MCCC1: variants seen among roughly 807,000 people sequenced by gnomAD.
The protein encoded by MCCC1 is methylcrotonoyl-CoA carboxylase subunit alpha, mitochondrial.
In MCCC1, 64 loss-of-function variants were observed where a neutral mutation model predicts 83.8. The observed-to-expected ratio is 0.76, with a 90% CI of 0.62 to 0.94. MCCC1 has a LOEUF of 0.94. Ranked by LOEUF, MCCC1 falls within the 40% of genes least tolerant of loss-of-function variation. MCCC1 has a pLI of 0.00. For synonymous variants in MCCC1, 322 were observed against 315.4 expected (o/e 1.02, Z -0.22); for missense variants, 807 against 904.7 (o/e 0.89, Z 1.39).
chr3:183,088,199 T>C (rs1370634125), intron 3 of MCCC1, among the ~76,000 whole-genome samples: 2 of 150,282 alleles, frequency 1.3e-5, no homozygotes, highest in East Asian at 3.9e-4. Context: ...TTGTTGTTGT[T>C]GTTGTTGTGT....
At chr3:183,058,827 C>T (rs1369569841) in intron 7 of MCCC1, among the ~76,000 whole-genome samples, 3 of 151,950 alleles carry the variant, frequency 2.0e-5, no homozygotes, top group Non-Finnish European at 2.9e-5. Flanking sequence ...CTATTTACCA[C>T]CATAATACGC....
chr3:183,078,937 G>C (rs567293825), intron 4 of MCCC1, among the ~76,000 whole-genome samples: 1 of 152,276 alleles, frequency 6.6e-6, no homozygotes, highest in Admixed American at 6.5e-5. Context: ...AGCTTGTGCA[G>C]GGAAACACTC....
chr3:183,099,508 G>A (rs757717863), upstream of MCCC1: 10 of 1,536,196 alleles, frequency 6.5e-6, no homozygotes, highest in African/African-American at 1.4e-5. Flanking sequence ...CGCCAAACCC[G>A]TTCCTCCACT....
At chr3:183,045,694 A>G (rs563874819) in intron 9 of MCCC1, among the ~76,000 whole-genome samples, 154 bp from the exon 10 acceptor site, 6 of 152,242 alleles carry the variant, frequency 3.9e-5, no homozygotes, top group Non-Finnish European at 8.8e-5. Context: ...TTGCAGCAGC[A>G]TATGAATCTT....
intron 4 of MCCC1, among the ~76,000 whole-genome samples, chr3:183,079,711 G>A (rs1184933568): frequency 6.6e-6 from 1 of 152,198 alleles, no homozygotes; most frequent in African/African-American, 2.4e-5. Flanking sequence ...CTGTGTGGGG[G>A]CTCTGACCCC....
chr3:183,087,869 CAAAAAAAAAA>C (rs1223603175), intron 3 of MCCC1, among the ~76,000 whole-genome samples: 2 of 51,340 alleles, frequency 3.9e-5, no homozygotes, highest in Admixed American at 2.0e-4. Flanking sequence ...GACTCCTTCT[CAAAAAAAAAA>C]AAAAAAAAAA....
In MCCC1 at chr3:183,090,596, T is replaced by G. The variant is rs1243666426; in HGVS notation, c.273+1813A>C. Among the ~76,000 whole-genome samples, 3 of 152,092 alleles carry G rather than the reference T, an allele frequency of 2.0e-5. No individual in the cohort carries two copies. The East Asian group carries it at 5.8e-4, about 29-fold the overall frequency. Reference sequence around the variant, plus strand: ...TCTTATTTTGGGAAAATTCTTTTTTTTTTTTTCTTTGAGACAGAGTTTCGC... The same window carrying G: ...TCTTATTTTGGGAAAATTCTTTTTTGTTTTTTCTTTGAGACAGAGTTTCGC... On this transcript the variant is annotated intron_variant, in intron 3 of 18. Coordinates refer to ENST00000265594, the MANE Select transcript of MCCC1 (RefSeq NM_020166.5).
chr3:183,094,717 C>T, intron 1 of MCCC1, 112 bp from the exon 2 acceptor site: 1 of 1,041,712 alleles, frequency 9.6e-7, no homozygotes, highest in South Asian at 1.3e-5. Context: ...ACTAACAGTG[C>T]TTTAGTAAGA....
At position 183,034,454 on chromosome 3, in the gene MCCC1, C is replaced by CAAA. The variant is rs1281645615; in HGVS notation, c.1595-380_1595-378dup. Among the ~76,000 whole-genome samples the CAAA allele has an allele frequency of 2.0e-3, 99 of 50,652 alleles. 2 individuals are homozygous for CAAA. Among genetic ancestry groups the CAAA allele is most frequent in the East Asian group, 8.4e-3 (13 of 1,550 alleles). 33.2% of individuals were successfully genotyped at this position (50,652 alleles called of 152,430 possible). ...TGGGCGACAGAGCAAGACTCCGTCT[C>CAAA]AAAAAAAAAAAAAAACAAAAAAACA... On this transcript the variant is annotated intron_variant, in intron 13 of 18. Coordinates refer to ENST00000265594, the MANE Select transcript of MCCC1 (RefSeq NM_020166.5).
chr3:183,099,506 C>A (rs545395890), upstream of MCCC1: 21 of 1,542,996 alleles, frequency 1.4e-5, no homozygotes, highest in East Asian at 4.6e-4. Context: ...CACGCCAAAC[C>A]CGTTCCTCCA....
At chr3:183,099,207 G>T in intron 1 of MCCC1, 145 bp downstream of exon 1, 1 of 893,164 alleles carries the variant, frequency 1.1e-6, no homozygotes, top group Non-Finnish European at 1.7e-6. Flanking sequence ...GTGACTGCCG[G>T]CAGAACCCCT....
intron 8 of MCCC1, among the ~76,000 whole-genome samples, chr3:183,052,577 G>A (rs1278351266): frequency 1.3e-5 from 2 of 152,172 alleles, no homozygotes; most frequent in Non-Finnish European, 2.9e-5. Context: ...GGGAGGCTGA[G>A]GCGGGCGGAT....
chr3:183,015,478 T>G lies in MCCC1; in HGVS notation c.2138A>C (p.Glu713Ala). ...TTTGTCTGATTCTTCCTCCTCAAAC[T>G]CGACTAAAGGAGTGTGTCTGTTGGC... The part of the protein sequence containing the change: ...AQANRHTPLV[E>A]FEEEESDKRE... Residue 713 changes from glutamate to alanine, a missense_variant, in exon 19 of 19, where the codon GAG (glutamate) becomes GCG (alanine). By Grantham distance (107) the Glu-to-Ala change is moderately radical. Coordinates refer to ENST00000265594, the MANE Select transcript of MCCC1 (RefSeq NM_020166.5). The G allele has an allele frequency of 1.2e-6, 2 of 1,614,190 alleles. No homozygotes were observed. Among genetic ancestry groups the G allele is most frequent in the Non-Finnish European group, 1.7e-6 (2 of 1,180,022 alleles).
chr3:183,045,342 A>C (rs1256368945), intron 10 of MCCC1, 71 bp downstream of exon 10: 21 of 1,588,524 alleles, frequency 1.3e-5, no homozygotes, highest in Non-Finnish European at 1.8e-5. Flanking sequence ...GGCCTGCCAA[A>C]GTGCTGGGAC....
intron 1 of MCCC1, among the ~76,000 whole-genome samples, chr3:183,113,949 G>A (rs1156743384): frequency 6.6e-6 from 1 of 152,056 alleles, no homozygotes; most frequent in Admixed American, 6.6e-5. Context: ...TGGGTGTAAT[G>A]CCCAACCTTG....
intron 4 of MCCC1, among the ~76,000 whole-genome samples, chr3:183,081,184 T>G (rs1478007083): frequency 6.6e-6 from 1 of 152,176 alleles, no homozygotes; most frequent in African/African-American, 2.4e-5. Context: ...TCTTGAGCAT[T>G]TGAATGGATT....
At position 183,031,491 on chromosome 3, in the gene MCCC1, C is replaced by CTTTTT. The variant is rs66507233; in HGVS notation, c.1681+2495_1681+2499dup. Among the ~76,000 whole-genome samples the CTTTTT allele has an allele frequency of 5.6e-3, 409 of 72,686 alleles. 12 individuals carry two copies. The highest frequency in any genetic ancestry group is 9.1e-3 in the South Asian group (14 of 1,532). 47.7% of individuals were successfully genotyped at this position (72,686 alleles called of 152,430 possible). On this transcript the variant is annotated intron_variant, in intron 14 of 18. Transcript: ENST00000265594. Reference sequence around the variant, plus strand: ...TTGGACTCATAAATGCTTCTGGCACCTTTTTTTTTTTTTTTTTTTTTTTTG... The same window carrying CTTTTT: ...TTGGACTCATAAATGCTTCTGGCACCTTTTTTTTTTTTTTTTTTTTTTTTTTTTTG...
chr3:183,102,839 T>C (rs1164787789), upstream of MCCC1, among the ~76,000 whole-genome samples: 1 of 128,370 alleles, frequency 7.8e-6, no homozygotes, highest in Non-Finnish European at 1.6e-5. Flanking sequence ...CAGGCTAGAG[T>C]GCAATGGCAT....
Position 183,037,220 on chromosome 3 carries a change from T to A in MCCC1, c.1592A>T (p.His531Leu). 1 of 1,613,406 alleles carries A rather than the reference T, an allele frequency of 6.2e-7. No individual in the cohort carries two copies. The highest frequency in any genetic ancestry group is 8.5e-7 in the Non-Finnish European group (1 of 1,180,004). ...AMTDTFTLQA[H>L]DQFSPFSSSS... ...GGAAAGAGAAAAGCCTTCCATACCA[T>A]GTGCCTGAAGAGTGAAAGTGTCGGT... The change falls in exon 13 of 19, where the codon CAT becomes CTT. Residue 531 changes from histidine (H) to leucine (L), a missense_variant and splice_region_variant. His to Leu is a moderately conservative substitution (Grantham distance 99). Transcript: ENST00000265594.
Sources: allele counts gnomAD v4.1 joint callset (sites outside exome capture counted in the v4.1 genomes callset), GRCh38; gene constraint gnomAD v4.1.1; transcripts MANE v1.5; gene names NCBI Gene and HGNC (gene_info 2026-07-23, HGNC 2026-07-21).